SAMD12: variants seen among roughly 807,000 people sequenced by gnomAD.
SAMD12 encodes sterile alpha motif domain containing 12.
Under a neutral mutation model 15.0 loss-of-function variants are expected in SAMD12, and 9 were observed. That is an observed-to-expected ratio of 0.60 (90% CI 0.36 to 1.05). The LOEUF is 1.05. Ranked by LOEUF, SAMD12 falls within the 50% of genes least tolerant of loss-of-function variation. SAMD12 has a pLI of 0.01. For missense variants in SAMD12, 230 were observed against 234.2 expected, an observed-to-expected ratio of 0.98 and a Z score of 0.12; for synonymous variants, 86 against 90.1, an observed-to-expected ratio of 0.96 and a Z score of 0.25.
intron 2 of SAMD12, among the ~76,000 whole-genome samples, chr8:118,523,436 C>A (rs757041651): frequency 1.3e-5 from 2 of 152,176 alleles, no homozygotes; most frequent in Non-Finnish European, 1.5e-5. Flanking sequence ...CTTTTCACTG[C>A]TATCATGCCT....
intron 4 of SAMD12, among the ~76,000 whole-genome samples, chr8:118,253,272 A>C (rs1451690355): frequency 3.3e-5 from 5 of 152,186 alleles, no homozygotes. Context: ...CTTTGCATGA[A>C]GGTGAAATCT....
At chr8:118,442,539 T>C (rs541437315) in intron 2 of SAMD12, among the ~76,000 whole-genome samples, 75 of 152,354 alleles carry the variant, frequency 4.9e-4, no homozygotes, top group Non-Finnish European at 9.4e-4. Context: ...AATGAATAAA[T>C]GTTTTTATTG....
intron 3 of SAMD12, among the ~76,000 whole-genome samples, chr8:118,390,382 T>C (rs1820208578): frequency 6.9e-6 from 1 of 144,440 alleles, no homozygotes; most frequent in African/African-American, 2.7e-5. Context: ...CAGCCTTGTT[T>C]GCAGGGTTTC....
intron 3 of SAMD12, among the ~76,000 whole-genome samples, chr8:118,385,119 A>G (rs1819884664): frequency 6.6e-6 from 1 of 152,162 alleles, no homozygotes; most frequent in African/African-American, 2.4e-5. Flanking sequence ...GCAGTAATAC[A>G]AGAGCAAGTG....
the SAMD12 span, among the ~76,000 whole-genome samples, chr8:118,174,757 T>C: frequency 6.6e-6 from 1 of 152,154 alleles, no homozygotes; most frequent in African/African-American, 2.4e-5. Context: ...AAAAAAATAA[T>C]ATGCAATGAA....
intron 4 of SAMD12, among the ~76,000 whole-genome samples, chr8:118,337,778 T>C (rs540193174): frequency 3.9e-5 from 6 of 152,314 alleles, no homozygotes; most frequent in African/African-American, 1.4e-4. Flanking sequence ...TCAAGAGTAG[T>C]GATGCTAGCA....
intron 4 of SAMD12, among the ~76,000 whole-genome samples, chr8:118,210,625 C>A (rs1268406256): frequency 6.6e-6 from 1 of 152,134 alleles, no homozygotes; most frequent in Admixed American, 6.5e-5. Flanking sequence ...CCTAATATTC[C>A]AGGCCATTCA....
chr8:118,506,850 C>T (rs903783248), intron 2 of SAMD12, among the ~76,000 whole-genome samples: 1 of 150,560 alleles, frequency 6.6e-6, no homozygotes, highest in African/African-American at 2.4e-5. Context: ...TGGAGAAGTC[C>T]ACAGCTGATC....
chr8:118,615,118 T>TA (rs1171110656), intron 1 of SAMD12, among the ~76,000 whole-genome samples: 3 of 152,262 alleles, frequency 2.0e-5, no homozygotes, highest in Non-Finnish European at 2.9e-5. Context: ...TATAAAGGGC[T>TA]AAACTACCAC....
downstream of SAMD12, among the ~76,000 whole-genome samples, chr8:118,189,236 T>C (rs774171940): frequency 3.0e-4 from 46 of 152,072 alleles, 1 homozygote; most frequent in East Asian, 5.8e-4. Flanking sequence ...CTGGGAGCCA[T>C]AGGGAGGCCA....
intron 4 of SAMD12, among the ~76,000 whole-genome samples, chr8:118,264,167 C>T (rs1349370234): frequency 6.6e-6 from 1 of 151,980 alleles, no homozygotes; most frequent in Non-Finnish European, 1.5e-5. Flanking sequence ...CCTGGATAAC[C>T]ATCCTTGTAG....
intron 2 of SAMD12, among the ~76,000 whole-genome samples, chr8:118,531,520 G>A (rs1825683965): frequency 6.6e-6 from 1 of 152,176 alleles, no homozygotes; most frequent in East Asian, 1.9e-4. Flanking sequence ...ACCTTGGGCA[G>A]TATGGCCATT....
intron 2 of SAMD12, among the ~76,000 whole-genome samples, chr8:118,550,229 G>A (rs1274230034): frequency 1.3e-5 from 2 of 152,158 alleles, no homozygotes; most frequent in Non-Finnish European, 2.9e-5. Context: ...ATAATTGTCA[G>A]ATTCACCAAA....
At chr8:118,146,592 C>A in the SAMD12 span, among the ~76,000 whole-genome samples, 1 of 152,204 alleles carries the variant, frequency 6.6e-6, no homozygotes, top group African/African-American at 2.4e-5. Context: ...TCACCCATTG[C>A]TCGTTTGTCC....
intron 4 of SAMD12, among the ~76,000 whole-genome samples, chr8:118,293,361 G>A (rs1814523013): frequency 6.6e-6 from 1 of 152,184 alleles, no homozygotes; most frequent in South Asian, 2.1e-4. Flanking sequence ...GATGACTGAA[G>A]GGAAAGTTAC....
chr8:118,394,964 T>G (rs1416762435), intron 3 of SAMD12: 2 of 152,188 alleles, frequency 1.3e-5, no homozygotes, highest in Non-Finnish European at 2.9e-5. Context: ...TCTGCTTGGG[T>G]GCAAATCACC....
At position 118,493,428 on chromosome 8, in the gene SAMD12, T is replaced by C. The variant is rs144001830; in HGVS notation, c.193-53467A>G. ...ATGATTCTGTTAAATAAAGCCCAGGTCCTCATAAATTAAAGGAAGCTCATC... is the reference window on the plus strand; with the variant it reads ...ATGATTCTGTTAAATAAAGCCCAGGCCCTCATAAATTAAAGGAAGCTCATC... On this transcript the variant is annotated intron_variant, in intron 2 of 3. Transcript: ENST00000314727. Among the ~76,000 whole-genome samples, 232 of 152,302 alleles carry C rather than the reference T, an allele frequency of 1.5e-3. 3 individuals carry two copies. The East Asian group carries it at 0.027, about 18-fold the overall frequency.
At chr8:118,498,748 C>A (rs1210316269) in intron 2 of SAMD12, among the ~76,000 whole-genome samples, 1 of 152,168 alleles carries the variant, frequency 6.6e-6, no homozygotes, top group Non-Finnish European at 1.5e-5. Flanking sequence ...ACAGAGTTCA[C>A]ATTAAAATAA....
At chr8:118,444,032 C>T (rs1247740532) in intron 2 of SAMD12, among the ~76,000 whole-genome samples, 4 of 152,148 alleles carry the variant, frequency 2.6e-5, no homozygotes, top group Non-Finnish European at 4.4e-5. Context: ...ACATCCAACA[C>T]CTACACTCTC....
Sources: allele counts gnomAD v4.1 joint callset (sites outside exome capture counted in the v4.1 genomes callset), GRCh38; gene constraint gnomAD v4.1.1; transcripts MANE v1.5; gene names NCBI Gene and HGNC (gene_info 2026-07-23, HGNC 2026-07-21).